NRXN3: variants seen among roughly 807,000 people sequenced by gnomAD.
NRXN3 encodes neurexin III.
NRXN3 carries 32 observed loss-of-function variants against 137.6 expected under a neutral mutation model. The observed-to-expected ratio is 0.23, with a 90% CI of 0.18 to 0.31. The LOEUF (loss-of-function observed/expected upper bound fraction) is 0.31, where lower values mean the gene tolerates loss of function less well. NRXN3 is among the 10% of genes least tolerant of loss of function. The pLI is 1.00. For missense variants in NRXN3, 1,574 were observed against 2,062.5 expected (o/e 0.76, Z 4.59); for synonymous variants, 798 against 784.5 (o/e 1.02, Z -0.29).
At position 79,805,101 on chromosome 14, in the gene NRXN3, G is replaced by A. The variant is rs763970594; in HGVS notation, c.4015-11G>A. 13 of 1,598,590 alleles carry A rather than the reference G, an allele frequency of 8.1e-6. No homozygotes were observed. In the East Asian group the frequency reaches 2.7e-4, roughly 33 times the overall value. ...TCCCCTACCCCATTATTTTCTCTTTGACATAAACAGCCAACATCAGATGAT... is the reference window on the plus strand; with the variant it reads ...TCCCCTACCCCATTATTTTCTCTTTAACATAAACAGCCAACATCAGATGAT... On this transcript the variant is annotated splice_polypyrimidine_tract_variant and intron_variant, in intron 19 of 20. Coordinates refer to ENST00000335750, the MANE Select transcript of NRXN3 (RefSeq NM_001330195.2).
intron 15 of NRXN3, among the ~76,000 whole-genome samples, chr14:79,426,794 A>C (rs902983763): frequency 1.3e-5 from 2 of 152,200 alleles, no homozygotes; most frequent in African/African-American, 4.8e-5. Flanking sequence ...ATAAAAGACA[A>C]ACACATAGAT....
chr14:79,485,321 G>A (rs1256541398), intron 16 of NRXN3, among the ~76,000 whole-genome samples: 2 of 152,084 alleles, frequency 1.3e-5, no homozygotes, highest in African/African-American at 4.8e-5. Flanking sequence ...ATCCTTAAGA[G>A]AGTAAAGAAT....
intron 10 of NRXN3, among the ~76,000 whole-genome samples, chr14:78,870,818 C>T (rs2099099598): frequency 6.6e-6 from 1 of 151,914 alleles, no homozygotes; most frequent in South Asian, 2.1e-4. Context: ...TACTTCTTAA[C>T]ATAATGTGCT....
rs368634687 is a variant in NRXN3, at chr14:79,271,457, TCCCTC to T, written c.3263-195756_3263-195752del. On this transcript the variant is annotated intron_variant, in intron 15 of 20. Coordinates refer to ENST00000335750, the MANE Select transcript of NRXN3 (RefSeq NM_001330195.2). The stretch of plus-strand genomic sequence containing the variant: ...CCTTTCCCCTTTTTTTCCCTTCCCT[TCCCTC>T]CCCTCCCACCCCTTACCTTCCCCCT... Among the ~76,000 whole-genome samples, 183 of 123,170 alleles carry T rather than the reference TCCCTC, an allele frequency of 1.5e-3. 1 individual carries two copies. In the East Asian group the frequency reaches 0.024, roughly 16 times the overall value. 80.8% of individuals were successfully genotyped at this position (123,170 alleles called of 152,430 possible).
Position 79,376,214 on chromosome 14 carries a change from GTATATATATATATATATATA to G in NRXN3, c.3263-90974_3263-90955del, listed in dbSNP as rs1159913935. 6.1e-3 allele frequency among the ~76,000 whole-genome samples: 436 copies of G among 71,110 alleles called. 7 individuals are homozygous for G. Among genetic ancestry groups the G allele is most frequent in the Non-Finnish European group, 8.0e-3 (301 of 37,696 alleles). The allele number at this position is 71,110 out of a possible 152,430, so 46.7% of individuals were successfully genotyped here. On this transcript the variant is annotated intron_variant, in intron 15 of 20. Coordinates refer to ENST00000335750, the MANE Select transcript of NRXN3 (RefSeq NM_001330195.2). Reference sequence around the variant, plus strand: ...CATGTGGGTGTGTGTGTGTGTGTATGTATATATATATATATATATATATATATATATATATATATATATAT... The same window carrying G: ...CATGTGGGTGTGTGTGTGTGTGTATGTATATATATATATATATATATATAT...
chr14:79,428,594 A>G (rs1300451987), intron 15 of NRXN3, among the ~76,000 whole-genome samples: 1 of 152,142 alleles, frequency 6.6e-6, no homozygotes, highest in Non-Finnish European at 1.5e-5. Flanking sequence ...CATATATTAT[A>G]TATACATATA....
At position 78,700,776 on chromosome 14, in the gene NRXN3, T is replaced by G. The variant is rs551210511; in HGVS notation, c.1222-8441T>G. 2.6e-5 allele frequency among the ~76,000 whole-genome samples: 4 copies of G among 152,096 alleles called. No homozygotes were observed. The South Asian group carries it at 8.3e-4, about 32-fold the overall frequency. ...AGAAACTTGATTGACTGGAAACTTT[T>G]TCTTTTTCTTTCTTTCTTTCTTTTT... is the stretch of plus-strand genomic sequence containing the variant. On this transcript the variant is annotated intron_variant, in intron 6 of 20. Transcript: ENST00000335750.
chr14:79,136,695 G>A (rs1024910052), intron 15 of NRXN3, among the ~76,000 whole-genome samples: 1 of 152,190 alleles, frequency 6.6e-6, no homozygotes, highest in Non-Finnish European at 1.5e-5. Flanking sequence ...AGGAGAAAAT[G>A]AGCTTCATAA....
intron 10 of NRXN3, among the ~76,000 whole-genome samples, chr14:78,835,471 A>T (rs1377835563): frequency 6.6e-6 from 1 of 151,794 alleles, no homozygotes. Context: ...GGCTATTAGG[A>T]CTCAGGTTGT....
intron 15 of NRXN3, among the ~76,000 whole-genome samples, chr14:79,190,977 T>A (rs577327469): frequency 2.6e-5 from 4 of 152,302 alleles, no homozygotes; most frequent in African/African-American, 9.6e-5. Flanking sequence ...TACATAATTG[T>A]CTCATTGAGT....
intron 15 of NRXN3, among the ~76,000 whole-genome samples, chr14:79,100,101 T>C (rs771923434): frequency 5.3e-5 from 8 of 152,208 alleles, no homozygotes; most frequent in Non-Finnish European, 1.2e-4. Context: ...GGTATTTTAT[T>C]TCCTGCAAGT....
intron 15 of NRXN3, among the ~76,000 whole-genome samples, chr14:79,136,157 T>TA (rs1568396465): frequency 6.6e-6 from 1 of 152,194 alleles, no homozygotes; most frequent in Non-Finnish European, 1.5e-5. Context: ...ATATCCCATA[T>TA]AAAATCACTG....
intron 3 of NRXN3, among the ~76,000 whole-genome samples, chr14:78,285,716 C>G (rs2075083049): frequency 1.3e-5 from 2 of 152,216 alleles, no homozygotes; most frequent in Admixed American, 1.3e-4. Context: ...ATCCCACATC[C>G]TGCTGAAAGA....
intron 15 of NRXN3, among the ~76,000 whole-genome samples, chr14:79,223,716 C>T (rs2070272170): frequency 6.6e-6 from 1 of 152,120 alleles, no homozygotes; most frequent in South Asian, 2.1e-4. Flanking sequence ...ATGGTTTAGA[C>T]ATTTTTTAGC....
At chr14:78,988,186 G>A (rs1326654874) in intron 15 of NRXN3, 45 bp downstream of exon 15, 1 of 1,609,248 alleles carries the variant, frequency 6.2e-7, no homozygotes, top group African/African-American at 1.3e-5. Flanking sequence ...GAAGATGTTT[G>A]GAGATTTGGA....
chr14:79,443,745 A>G (rs562571483), intron 15 of NRXN3, among the ~76,000 whole-genome samples: 1 of 152,312 alleles, frequency 6.6e-6, no homozygotes, highest in East Asian at 1.9e-4. Flanking sequence ...TCCTTAAGAA[A>G]TTCCTTGCTA....
At chr14:78,847,163 T>C (rs2152469090) in intron 10 of NRXN3, among the ~76,000 whole-genome samples, 1 of 152,154 alleles carries the variant, frequency 6.6e-6, no homozygotes, top group Non-Finnish European at 1.5e-5. Flanking sequence ...TGAAACTCCA[T>C]ATGAGAGCCC....
chr14:78,176,336 A>G (rs1012825702), intron 1 of NRXN3, among the ~76,000 whole-genome samples: 1 of 150,612 alleles, frequency 6.6e-6, no homozygotes, highest in Non-Finnish European at 1.5e-5. Context: ...TGATATAGCT[A>G]TCATTTCTGC....
At chr14:78,697,689 C>T (rs945977864) in intron 6 of NRXN3, among the ~76,000 whole-genome samples, 10 of 151,984 alleles carry the variant, frequency 6.6e-5, no homozygotes, top group African/African-American at 2.4e-4. Context: ...TGCATGACTA[C>T]TTTTAAGCTA....
Sources: allele counts gnomAD v4.1 joint callset (sites outside exome capture counted in the v4.1 genomes callset), GRCh38; gene constraint gnomAD v4.1.1; transcripts MANE v1.5; gene names NCBI Gene and HGNC (gene_info 2026-07-23, HGNC 2026-07-21).